Variants in IPO5 observed in about 807,000 individuals in gnomAD.
IPO5 encodes the protein importin-5.
Under a neutral mutation model 143.3 loss-of-function variants are expected in IPO5, and 18 were observed. The ratio of observed to expected loss-of-function variants is 0.13; its 90% CI spans 0.09 to 0.19. IPO5 has a LOEUF of 0.19. Among genes scored for constraint, IPO5 ranks in the 10% least tolerant of loss-of-function variants. IPO5 has a pLI of 1.00. For missense variants in IPO5, 1,013 were observed against 1,336.9 expected (o/e 0.76, Z 3.78); for synonymous variants, 477 against 465.7 (o/e 1.02, Z -0.31).
At chr13:97,976,234 T>A (rs1208070887) in intron 3 of IPO5, among the ~76,000 whole-genome samples, 1 of 148,592 alleles carries the variant, frequency 6.7e-6, no homozygotes, top group Non-Finnish European at 1.5e-5. Context: ...GCCGGCCGGC[T>A]CCTCCCGCTG....
rs542910664 is a variant in IPO5, at chr13:98,000,947, GA to G, written c.1108+305del. 1.3e-4 allele frequency: 42 copies of G among 333,024 alleles called. No homozygotes were observed. The East Asian group carries it at 2.5e-3, about 20-fold the overall frequency. 20.6% of individuals were successfully genotyped at this position (333,024 alleles called of 1,614,324 possible). On this transcript the variant is annotated intron_variant, in intron 13 of 28. Coordinates refer to ENST00000651721, the MANE Select transcript of IPO5 (RefSeq NM_002271.6). The stretch of plus-strand genomic sequence containing the variant: ...CCAATATCTTTTATTTTTAAAAGAA[GA>G]AACTCTATCTAATGTTATCAAAAGA...
At chr13:98,002,353 T>C (rs1173886986) in intron 13 of IPO5, 114 bp from the exon 14 acceptor site, 1 of 1,006,136 alleles carries the variant, frequency 9.9e-7, no homozygotes, top group African/African-American at 1.6e-5. Flanking sequence ...ATATACCCTT[T>C]TCAAAAAAGT....
intron 2 of IPO5, chr13:97,960,264 T>C (rs1443878719): frequency 1.3e-5 from 2 of 152,172 alleles, no homozygotes; most frequent in Admixed American, 6.6e-5. Flanking sequence ...TTGCTGTAAG[T>C]AGCAAAAAGA....
chr13:97,998,240 G>C (rs945042277), intron 12 of IPO5, among the ~76,000 whole-genome samples: 3 of 152,240 alleles, frequency 2.0e-5, no homozygotes, highest in Non-Finnish European at 4.4e-5. Flanking sequence ...CTCCCAAAGT[G>C]CTGGGATTAC....
intron 25 of IPO5, among the ~76,000 whole-genome samples, chr13:98,017,895 C>T (rs1171744962): frequency 6.6e-6 from 1 of 152,068 alleles, no homozygotes; most frequent in Non-Finnish European, 1.5e-5. Flanking sequence ...TCTCAACCTC[C>T]TGACCTTGTG....
intron 3 of IPO5, among the ~76,000 whole-genome samples, chr13:97,973,142 A>T (rs1885972661): frequency 6.7e-6 from 1 of 148,152 alleles, no homozygotes; most frequent in Non-Finnish European, 1.5e-5. Context: ...TCCTGGGTTC[A>T]AGCGATTCTC....
chr13:98,009,760 C>G, intron 18 of IPO5, 121 bp from the exon 19 acceptor site: 3 of 745,134 alleles, frequency 4.0e-6, no homozygotes, highest in Non-Finnish European at 6.4e-6. Context: ...AATGCTCTTA[C>G]TGCTTAAAGT....
At chr13:98,009,008 C>T (rs796504450) in intron 18 of IPO5, among the ~76,000 whole-genome samples, 3 of 152,116 alleles carry the variant, frequency 2.0e-5, no homozygotes, top group East Asian at 1.9e-4. Context: ...ACAGAGATAA[C>T]AGGCAGGAGG....
At chr13:97,981,875 A>G (rs1886872765) in intron 4 of IPO5, among the ~76,000 whole-genome samples, 1 of 152,244 alleles carries the variant, frequency 6.6e-6, no homozygotes, top group Non-Finnish European at 1.5e-5. Flanking sequence ...AGCAGAGGAT[A>G]GAGTGTCCTG....
Position 97,989,112 on chromosome 13 carries a change from T to G in IPO5, c.415T>G (p.Ser139Ala). ...CGAAGGTTTGAAGTTCCTTTTTGAT[T>G]CAGTCAGCTCTCAAAATGTGGGACT... ...WPEGLKFLFD[S>A]VSSQNVGLRE... is the part of the protein sequence containing the mutation. The change falls in exon 7 of 29, where the codon TCA (serine) becomes GCA (alanine). Residue 139 changes from serine (S) to alanine (A), a missense_variant. By Grantham distance (99) the Ser-to-Ala change is moderately conservative. Transcript: ENST00000651721. The G allele has an allele frequency of 6.2e-7, 1 of 1,613,826 alleles. No homozygotes were observed. The highest frequency in any genetic ancestry group is 8.5e-7 in the Non-Finnish European group (1 of 1,179,718).
chr13:97,990,204 A>C lies in IPO5; in HGVS notation c.546A>C (p.Gln182His). The change falls in exon 8 of 29, where the codon CAA becomes CAC. Residue 182 changes from glutamine (Q) to histidine (H), a missense_variant. Physicochemically the swap from Gln to His is conservative, Grantham distance 24. This residue lies in a region of IPO5 where 328 missense variants were observed against 342.0 expected (regional missense o/e 0.96). Coordinates refer to ENST00000651721, the MANE Select transcript of IPO5 (RefSeq NM_002271.6). Reference protein sequence around the residue: ...VIKRMLVQCMQDQEHPSIRTL... With the variant: ...VIKRMLVQCMHDQEHPSIRTL... The stretch of plus-strand genomic sequence containing the variant: ...AACGAATGTTAGTTCAGTGTATGCA[A>C]GATCAGGAACACCCGTCGGTAAATA... 6.2e-7 allele frequency: 1 copy of C among 1,607,730 alleles called. No homozygotes were observed. The highest frequency in any genetic ancestry group is 8.5e-7 in the Non-Finnish European group (1 of 1,174,556).
In IPO5 at chr13:97,993,168, C is replaced by T; in HGVS notation, c.856C>T (p.Leu286Phe). Reference protein sequence around the residue: ...RQLALEVIVTLSETAAAMLRK... With the variant: ...RQLALEVIVTFSETAAAMLRK... ...GCTTGCCCTTGAAGTGATCGTCACC[C>T]TCTCTGAGACTGCAGCTGCTATGTT... is the stretch of plus-strand genomic sequence containing the variant. The change falls in exon 11 of 29, where the codon CTC becomes TTC. Residue 286 changes from leucine to phenylalanine, a missense_variant. This residue lies in a region of IPO5 where 685 missense variants were observed against 994.9 expected (regional missense o/e 0.69). Transcript: ENST00000651721. 2 of 1,613,658 alleles carry T rather than the reference C, an allele frequency of 1.2e-6. No homozygotes were observed. The highest frequency in any genetic ancestry group is 1.7e-6 in the Non-Finnish European group (2 of 1,179,602).
intron 2 of IPO5, among the ~76,000 whole-genome samples, chr13:97,956,445 C>A (rs1389120157): frequency 6.6e-6 from 1 of 152,078 alleles, no homozygotes; most frequent in Non-Finnish European, 1.5e-5. Context: ...TTTTAAATAC[C>A]TTTGCTCTGC....
intron 3 of IPO5, among the ~76,000 whole-genome samples, chr13:97,970,359 G>A (rs1885714736): frequency 6.6e-6 from 1 of 152,034 alleles, no homozygotes; most frequent in Non-Finnish European, 1.5e-5. Flanking sequence ...AGTGGCTCAC[G>A]CCTGTAATCC....
chr13:98,002,627 G>A (rs764793868), intron 14 of IPO5, 36 bp downstream of exon 14: 1 of 1,609,388 alleles, frequency 6.2e-7, no homozygotes, highest in Non-Finnish European at 8.5e-7. Flanking sequence ...AAAATGATTA[G>A]TGTAGCTTCA....
chr13:97,978,386 A>G (rs529322880), intron 4 of IPO5, among the ~76,000 whole-genome samples: 5 of 152,348 alleles, frequency 3.3e-5, no homozygotes, highest in Non-Finnish European at 4.4e-5. Flanking sequence ...GCAACCCTCT[A>G]TGAAATGGAT....
intron 12 of IPO5, among the ~76,000 whole-genome samples, chr13:97,999,681 CT>C (rs1888599471): frequency 6.6e-6 from 1 of 152,176 alleles, no homozygotes; most frequent in Non-Finnish European, 1.5e-5. Flanking sequence ...AGTCCAAATG[CT>C]TTTATGCCCA....
At chr13:97,997,713 T>C (rs1244344440) in intron 12 of IPO5, 95 bp downstream of exon 12, 26 of 581,206 alleles carry the variant, frequency 4.5e-5, no homozygotes, top group Middle Eastern at 2.7e-4. Flanking sequence ...AGGTAAACTT[T>C]TAAGCCTGGA....
intron 12 of IPO5, among the ~76,000 whole-genome samples, chr13:97,998,866 G>T (rs1408000684): frequency 2.6e-5 from 4 of 152,092 alleles, no homozygotes; most frequent in African/African-American, 7.2e-5. Context: ...AAATTGGCTG[G>T]GTGCAGTGGC....
Sources: gnomAD v4.1 joint callset for allele counts (sites outside exome capture counted in the v4.1 genomes callset) on GRCh38, gnomAD v4.1.1 for gene constraint, gnomAD v4.1.1 regional missense constraint, MANE v1.5 for transcripts, NCBI Gene and HGNC (gene_info 2026-07-23, HGNC 2026-07-21) for gene names.